The following SRL variants were observed in gnomAD, a reference collection of about 807,000 sequenced individuals.
The protein encoded by SRL is sarcalumenin.
In SRL, 23 loss-of-function variants were observed where a neutral mutation model predicts 39.5. That is an observed-to-expected ratio of 0.58 (90% CI 0.42 to 0.82). The LOEUF is 0.82. Among genes scored for constraint, SRL ranks in the 40% least tolerant of loss-of-function variants. The probability of loss-of-function intolerance (pLI) is 0.00; values close to 1 mark genes in which losing one functional copy is unlikely to be tolerated. For synonymous variants in SRL, 272 were observed against 237.4 expected (o/e 1.15, Z -1.34); for missense variants, 592 against 607.8 (o/e 0.97, Z 0.27).
chr16:4,213,404 C>CTTTTTTTTTTTTTTTTTTTTT (rs1176583909), intron 1 of SRL, among the ~76,000 whole-genome samples: 7 of 69,582 alleles, frequency 1.0e-4, no homozygotes, highest in Admixed American at 1.5e-4. Flanking sequence ...TTTTCTTTTT[C>CTTTTTTTTTTTTTTTTTTTTT]TTTTTTTTTT....
chr16:4,212,925 G>A (rs572687097), intron 1 of SRL, among the ~76,000 whole-genome samples: 1 of 152,120 alleles, frequency 6.6e-6, no homozygotes. Flanking sequence ...CTTCAGCCCT[G>A]TCTCTTTCCA....
intron 1 of SRL, among the ~76,000 whole-genome samples, chr16:4,218,252 C>T (rs1448282460): frequency 1.3e-5 from 2 of 152,178 alleles, no homozygotes; most frequent in Non-Finnish European, 2.9e-5. Context: ...CGCAAACGCG[C>T]ACTCAGGAAG....
chr16:4,217,179 C>A (rs538569115), intron 1 of SRL, among the ~76,000 whole-genome samples: 1 of 152,170 alleles, frequency 6.6e-6, no homozygotes, highest in African/African-American at 2.4e-5. Context: ...GGGGCTGAGG[C>A]TCCAGCCTCC....
chr16:4,229,130 T>C (rs538816306), intron 1 of SRL, among the ~76,000 whole-genome samples: 14 of 151,980 alleles, frequency 9.2e-5, no homozygotes, highest in Admixed American at 8.5e-4. Flanking sequence ...ATCTACACCA[T>C]GGAATACCAA....
chr16:4,192,477 C>T lies in SRL; in HGVS notation c.1098G>A (p.Leu366=). 6.2e-7 allele frequency: 1 copy of T among 1,614,130 alleles called. No homozygotes were observed. Among genetic ancestry groups the T allele is most frequent in the Non-Finnish European group, 8.5e-7 (1 of 1,180,026 alleles). The change falls in exon 6 of 6, where the codon CTG becomes CTA. Residue 366 remains leucine (L), a synonymous_variant. Coordinates refer to ENST00000399609, the MANE Select transcript of SRL (RefSeq NM_001098814.2). The surrounding 1 kb of genome is among the most constrained non-coding windows in gnomAD (Gnocchi z 4.0). ...DKMTFFSDGE[L]VFKDIVEDPD... ...GATCTTCCACAATGTCCTTAAAGAC[C>T]AGTTCTCCATCACTGAAGAAGGTCA...
chr16:4,190,318 G>A lies in SRL; in HGVS notation c.*1835C>T, dbSNP rs1282542938. The stretch of plus-strand genomic sequence containing the variant: ...CTCTCCCTCTGCCTGCCTTTCCACT[G>A]TCCTGGGTCCAGGATGACTTCCTGG... On this transcript the variant is annotated 3_prime_UTR_variant, in exon 6 of 6. Coordinates refer to ENST00000399609, the MANE Select transcript of SRL (RefSeq NM_001098814.2). 5 of 399,030 alleles carry A rather than the reference G, an allele frequency of 1.3e-5. No individual in the cohort carries two copies. The highest frequency in any genetic ancestry group is 8.8e-5 in the Admixed American group (2 of 22,718). 24.7% of individuals were successfully genotyped at this position (399,030 alleles called of 1,614,324 possible).
At chr16:4,238,918 A>G (rs1003805483) in intron 1 of SRL, among the ~76,000 whole-genome samples, 1 of 151,868 alleles carries the variant, frequency 6.6e-6, no homozygotes, top group African/African-American at 2.4e-5. Flanking sequence ...ACTGTGTCCG[A>G]CCACCGTGTT....
chr16:4,201,080 G>C (rs985658915), intron 3 of SRL, among the ~76,000 whole-genome samples: 10 of 151,804 alleles, frequency 6.6e-5, no homozygotes, highest in Non-Finnish European at 1.3e-4. Flanking sequence ...AGACAATATG[G>C]CAACAACTAG....
intron 1 of SRL, among the ~76,000 whole-genome samples, chr16:4,237,553 C>T (rs535819338): frequency 4.1e-4 from 63 of 152,278 alleles, no homozygotes; most frequent in Admixed American, 1.6e-3. Context: ...GGTAGTGACC[C>T]GCTGCCCACA....
chr16:4,220,455 A>AAC (rs58333524), intron 1 of SRL, among the ~76,000 whole-genome samples: 26 of 151,544 alleles, frequency 1.7e-4, no homozygotes, highest in Non-Finnish European at 2.8e-4. Flanking sequence ...AGAAAAAAAA[A>AAC]ACACACACAC....
intron 5 of SRL, among the ~76,000 whole-genome samples, chr16:4,193,374 AAAGCTAAATACC>A (rs1436247610): frequency 6.6e-6 from 1 of 152,222 alleles, no homozygotes; most frequent in African/African-American, 2.4e-5. Flanking sequence ...AGTTTCCAAG[AAAGCTAAATACC>A]TGTTCAAAAT....
intron 1 of SRL, chr16:4,207,595 C>G (rs1480987439): frequency 2.2e-6 from 1 of 447,162 alleles, no homozygotes; most frequent in Non-Finnish European, 4.5e-6. Flanking sequence ...AGGCTGTCCC[C>G]TTGGACCTCC....
rs1020199943 is a variant in SRL at position 4,196,474 on chromosome 16, T to C, written c.377-688A>G. Among the ~76,000 whole-genome samples, 130 of 98,944 alleles carry C rather than the reference T, an allele frequency of 1.3e-3. 1 individual carries two copies. Among genetic ancestry groups the C allele is most frequent in the Admixed American group, 6.7e-3 (67 of 9,988 alleles). 64.9% of individuals were successfully genotyped at this position (98,944 alleles called of 152,430 possible). A position where few individuals can be genotyped will look rare whatever the true frequency, so the allele number is the denominator to read the frequency against. Reference sequence around the variant, plus strand: ...TCTCTCTCTCTGATTTTGCCTTCTTTTTTTTTTTTTTTTTTTTTCCTTTTT... The same window carrying C: ...TCTCTCTCTCTGATTTTGCCTTCTTCTTTTTTTTTTTTTTTTTTCCTTTTT... On this transcript the variant is annotated intron_variant, in intron 4 of 5. Transcript: ENST00000399609.
chr16:4,205,428 A>T (rs1029858808), intron 1 of SRL, among the ~76,000 whole-genome samples: 2 of 152,114 alleles, frequency 1.3e-5, no homozygotes, highest in Non-Finnish European at 2.9e-5. Context: ...AAACAATAAA[A>T]ATAATTAATA....
chr16:4,231,343 C>T (rs530554175), intron 1 of SRL, among the ~76,000 whole-genome samples: 11 of 152,230 alleles, frequency 7.2e-5, no homozygotes, highest in African/African-American at 2.4e-4. Flanking sequence ...TGGCTTTAAG[C>T]TACTGACTTT....
At chr16:4,209,823 G>C (rs2141041395) in intron 1 of SRL, among the ~76,000 whole-genome samples, 1 of 152,292 alleles carries the variant, frequency 6.6e-6, no homozygotes, top group African/African-American at 2.4e-5. Context: ...ATAAGTGAAA[G>C]TCCAGAGATC....
intron 1 of SRL, chr16:4,207,084 TG>T (rs1375625147): frequency 2.2e-6 from 1 of 454,526 alleles, no homozygotes; most frequent in Non-Finnish European, 4.4e-6. Context: ...CCTGGCTTCC[TG>T]GGGCTCCCCA....
chr16:4,200,164 C>G (rs1437963821), intron 3 of SRL, among the ~76,000 whole-genome samples: 2 of 152,172 alleles, frequency 1.3e-5, no homozygotes, highest in African/African-American at 4.8e-5. Context: ...CCTGCCCCAT[C>G]CCTCCCTGTC....
chr16:4,207,990 G>A (rs1446489273), intron 1 of SRL: 1 of 456,760 alleles, frequency 2.2e-6, no homozygotes, highest in Admixed American at 2.3e-5. Flanking sequence ...TTGAGGGGCT[G>A]TGTCTGCATA....
Sources: allele counts gnomAD v4.1 joint callset (sites outside exome capture counted in the v4.1 genomes callset), GRCh38; gene constraint gnomAD v4.1.1; non-coding constraint Gnocchi (gnomAD v3.1); transcripts MANE v1.5; gene names NCBI Gene and HGNC (gene_info 2026-07-23, HGNC 2026-07-21).